The following FRMD4A variants were observed in gnomAD, a reference collection of about 807,000 sequenced individuals.
FRMD4A encodes the protein FERM domain containing 4A, also known as FERM domain-containing protein 4A.
In FRMD4A, 29 loss-of-function variants were observed where a neutral mutation model predicts 129.1. That is an observed-to-expected ratio of 0.22 (90% CI 0.17 to 0.31). The LOEUF (loss-of-function observed/expected upper bound fraction) is 0.31, where lower values mean the gene tolerates loss of function less well. Ranked by LOEUF, FRMD4A falls within the 10% of genes least tolerant of loss-of-function variation. The pLI, the probability that FRMD4A is intolerant of heterozygous loss-of-function variation, is 1.00. For missense variants in FRMD4A, 1,272 were observed against 1,375.8 expected, an observed-to-expected ratio of 0.92 and a Z score of 1.19; for synonymous variants, 634 against 571.6, an observed-to-expected ratio of 1.11 and a Z score of -1.56.
At chr10:13,866,535 A>G (rs531313773) in intron 2 of FRMD4A, among the ~76,000 whole-genome samples, 5 of 152,328 alleles carry the variant, frequency 3.3e-5, no homozygotes, top group African/African-American at 1.2e-4. Context: ...GTACCCAAAC[A>G]TTGCAAGACC....
rs143513812 is a variant in FRMD4A at position 13,697,443 on chromosome 10, C to T, written c.976-3404G>A. 8.2e-4 allele frequency among the ~76,000 whole-genome samples: 125 copies of T among 152,234 alleles called. 2 individuals are homozygous for T. The highest frequency in any genetic ancestry group is 6.8e-3 in the Middle Eastern group (2 of 294). On this transcript the variant is annotated intron_variant, in intron 14 of 24. Coordinates refer to ENST00000357447, the MANE Select transcript of FRMD4A (RefSeq NM_018027.5). ...GATTACAGGCATGAGCCACTGCGCC[C>T]GGTCCGGATTCTTTCTAGAATGGAA...
intron 3 of FRMD4A, among the ~76,000 whole-genome samples, chr10:13,844,965 G>GT (rs1451415767): frequency 1.3e-4 from 20 of 152,178 alleles, no homozygotes; most frequent in Non-Finnish European, 5.9e-5. Context: ...TCACTGTCTG[G>GT]TTGATAAGGG....
intron 3 of FRMD4A, among the ~76,000 whole-genome samples, chr10:13,826,158 T>A (rs1242785185): frequency 6.6e-6 from 1 of 152,228 alleles, no homozygotes; most frequent in African/African-American, 2.4e-5. Flanking sequence ...AGGTGCTCAG[T>A]AAATGAGGGT....
At chr10:14,289,196 C>T (rs143581953) in intron 2 of FRMD4A, among the ~76,000 whole-genome samples, 2 of 152,038 alleles carry the variant, frequency 1.3e-5, no homozygotes, top group African/African-American at 2.4e-5. Flanking sequence ...CTCATTATAC[C>T]GTTTTGTATA....
chr10:13,855,102 A>G (rs1564917929), intron 3 of FRMD4A, among the ~76,000 whole-genome samples: 1 of 152,322 alleles, frequency 6.6e-6, no homozygotes, highest in Admixed American at 6.5e-5. Flanking sequence ...CACAGATTTC[A>G]CTTGGTAATC....
chr10:13,730,271 A>G (rs1480689994), intron 12 of FRMD4A, among the ~76,000 whole-genome samples: 1 of 152,182 alleles, frequency 6.6e-6, no homozygotes, highest in Non-Finnish European at 1.5e-5. Flanking sequence ...AGACTTACTT[A>G]TATCTGCCCT....
At chr10:14,292,787 G>A (rs565867272) in intron 2 of FRMD4A, among the ~76,000 whole-genome samples, 44 of 151,938 alleles carry the variant, frequency 2.9e-4, no homozygotes, top group South Asian at 1.7e-3. Context: ...GCGACAGAGC[G>A]AGACTCTGCC....
intron 2 of FRMD4A, among the ~76,000 whole-genome samples, chr10:14,183,337 G>A (rs1182974603): frequency 6.6e-6 from 1 of 152,162 alleles, no homozygotes; most frequent in Non-Finnish European, 1.5e-5. Flanking sequence ...ATTCCTTTAT[G>A]TTATAAAAGC....
chr10:13,694,744 A>G (rs2086053111), intron 14 of FRMD4A, among the ~76,000 whole-genome samples: 1 of 152,098 alleles, frequency 6.6e-6, no homozygotes, highest in African/African-American at 2.4e-5. Context: ...GGGGAGGCTG[A>G]GACAAGAGGA....
chr10:13,781,923 G>A (rs1000757270), intron 6 of FRMD4A, among the ~76,000 whole-genome samples: 58 of 152,222 alleles, frequency 3.8e-4, no homozygotes, highest in Non-Finnish European at 5.3e-4. Flanking sequence ...AACATTGTGA[G>A]TGTACTGAAT....
chr10:14,033,748 G>A (rs1461745412), intron 2 of FRMD4A, among the ~76,000 whole-genome samples: 1 of 150,562 alleles, frequency 6.6e-6, no homozygotes, highest in African/African-American at 2.4e-5. Context: ...TCGTGTCATT[G>A]CCCTCCAGCC....
At chr10:13,653,563 A>ATGAT in intron 23 of FRMD4A, 1 of 152,284 alleles carries the variant, frequency 6.6e-6, no homozygotes, top group African/African-American at 2.4e-5. Flanking sequence ...TGCTTTTCTC[A>ATGAT]TGATTCAACT....
chr10:14,035,184 G>A (rs977390170), intron 2 of FRMD4A, among the ~76,000 whole-genome samples: 7 of 152,080 alleles, frequency 4.6e-5, no homozygotes, highest in Admixed American at 1.3e-4. Flanking sequence ...AGGCTGAGGC[G>A]GGTGGATCGC....
At chr10:14,017,443 A>AAT (rs972000927) in intron 2 of FRMD4A, among the ~76,000 whole-genome samples, 4 of 152,210 alleles carry the variant, frequency 2.6e-5, no homozygotes, top group African/African-American at 4.8e-5. Context: ...GGATTCGCTG[A>AAT]ATATATATAG....
intron 2 of FRMD4A, among the ~76,000 whole-genome samples, chr10:13,910,888 G>GAAAAA (rs141449954): frequency 1.2e-5 from 1 of 83,074 alleles, no homozygotes; most frequent in African/African-American, 5.0e-5. Flanking sequence ...GGAGTTTCAT[G>GAAAAA]AAAAAAAAAA....
chr10:14,221,494 TG>T (rs1393615810), intron 2 of FRMD4A, among the ~76,000 whole-genome samples: 10 of 152,214 alleles, frequency 6.6e-5, no homozygotes, highest in Non-Finnish European at 1.5e-4. Context: ...TGCAACATTT[TG>T]TCTTTTTCAA....
chr10:14,312,539 T>C (rs796526089), intron 2 of FRMD4A, among the ~76,000 whole-genome samples: 22 of 152,326 alleles, frequency 1.4e-4, no homozygotes, highest in African/African-American at 5.1e-4. Context: ...CAAAGATATA[T>C]GCACATAAAT....
intron 2 of FRMD4A, among the ~76,000 whole-genome samples, chr10:14,120,373 C>T (rs913726235): frequency 2.0e-5 from 3 of 152,114 alleles, no homozygotes; most frequent in African/African-American, 7.2e-5. Flanking sequence ...GATGCCAATA[C>T]CCTCTCCCAT....
chr10:13,855,703 C>T (rs949632037), intron 3 of FRMD4A, among the ~76,000 whole-genome samples: 1 of 152,130 alleles, frequency 6.6e-6, no homozygotes, highest in African/African-American at 2.4e-5. Flanking sequence ...AACCTGAAGG[C>T]TACCACTCTC....
Sources: gnomAD v4.1 joint callset for allele counts (sites outside exome capture counted in the v4.1 genomes callset) on GRCh38, gnomAD v4.1.1 for gene constraint, MANE v1.5 for transcripts, NCBI Gene and HGNC (gene_info 2026-07-23, HGNC 2026-07-21) for gene names.